DMXL2: variants seen among roughly 807,000 people sequenced by gnomAD.
DMXL2 encodes dmX-like protein 2.
In DMXL2, 103 loss-of-function variants were observed where a neutral mutation model predicts 331.1. The ratio of observed to expected loss-of-function variants is 0.31; its 90% CI spans 0.27 to 0.37. The LOEUF (loss-of-function observed/expected upper bound fraction) is 0.37. Ranked by LOEUF, DMXL2 falls within the 10% of genes least tolerant of loss-of-function variation. The pLI is 1.00. For synonymous variants in DMXL2, 1,281 were observed against 1,252.1 expected (o/e 1.02, Z -0.49); for missense variants, 3,171 against 3,642.9 (o/e 0.87, Z 3.33).
chr15:51,573,877 A>G (rs2050839753), intron 2 of DMXL2, among the ~76,000 whole-genome samples: 2 of 152,018 alleles, frequency 1.3e-5, no homozygotes, highest in African/African-American at 4.8e-5. Flanking sequence ...AAAAAATCAT[A>G]TTTTTCATAA....
At chr15:51,478,233 T>C in intron 26 of DMXL2, 38 bp downstream of exon 26, 1 of 1,523,914 alleles carries the variant, frequency 6.6e-7, no homozygotes. Context: ...TTTAATGTTT[T>C]TGCTGTATTA....
chr15:51,597,315 T>A (rs1047900535), intron 1 of DMXL2, among the ~76,000 whole-genome samples: 4 of 152,196 alleles, frequency 2.6e-5, no homozygotes, highest in Non-Finnish European at 5.9e-5. Flanking sequence ...CCACTACCCT[T>A]TTTGGGAAAT....
Position 51,480,124 on chromosome 15 carries a change from G to C in DMXL2, c.6580C>G (p.Gln2194Glu). ...GGCAGTGGTAGTGGAGACTGGAGCT[G>C]CTTTACTGTAGTTTCCTGTGGGTGA... Reference protein sequence around the residue: ...QESQQETTVKQLQSPLPLPTT... With the variant: ...QESQQETTVKELQSPLPLPTT... The change falls in exon 25 of 44, where the codon CAG (glutamine) becomes GAG (glutamate). Residue 2194 changes from glutamine (Q) to glutamate (E), a missense_variant. Around this residue, in one of 7 missense-constraint regions of DMXL2, gnomAD observed 197 missense variants for 196.2 expected, o/e 1.00. Coordinates refer to ENST00000560891, the MANE Select transcript of DMXL2 (RefSeq NM_001378457.1). 6.4e-7 allele frequency: 1 copy of C among 1,550,828 alleles called. No homozygotes were observed. Among genetic ancestry groups the C allele is most frequent in the South Asian group, 1.2e-5 (1 of 83,088 alleles).
chr15:51,470,624 C>A (rs575910321), intron 29 of DMXL2, among the ~76,000 whole-genome samples: 1 of 152,236 alleles, frequency 6.6e-6, no homozygotes, highest in South Asian at 2.1e-4. Context: ...AAGGTAACAA[C>A]AGAGTTAACA....
In DMXL2 at chr15:51,476,604, G is replaced by C. The variant is rs1449818395; in HGVS notation, c.6949C>G (p.Pro2317Ala). The change falls in exon 27 of 44, where the codon CCT becomes GCT. Residue 2317 changes from proline to alanine, a missense_variant. Coordinates refer to ENST00000560891, the MANE Select transcript of DMXL2 (RefSeq NM_001378457.1). ...AAATTCTCACCAGGCCATTGAGCAG[G>C]AGATGAATTTGGTGTTGCGTGTTCT... ...IEEHATPNSS[P>A]AQWPGVSSLI... 1.2e-6 allele frequency: 2 copies of C among 1,607,694 alleles called. No homozygotes were observed. The highest frequency in any genetic ancestry group is 2.2e-5 in the South Asian group (2 of 89,256).
At chr15:51,618,243 T>C (rs1190399593) in intron 1 of DMXL2, among the ~76,000 whole-genome samples, 1 of 152,122 alleles carries the variant, frequency 6.6e-6, no homozygotes, top group Non-Finnish European at 1.5e-5. Flanking sequence ...TCTTTTACTC[T>C]CGTATTAGAC....
intron 1 of DMXL2, among the ~76,000 whole-genome samples, chr15:51,610,638 G>A (rs1252475116): frequency 2.0e-5 from 3 of 151,920 alleles, no homozygotes; most frequent in African/African-American, 7.3e-5. Context: ...CATGGTGGCC[G>A]GTGCCTGTAG....
intron 29 of DMXL2, among the ~76,000 whole-genome samples, chr15:51,470,109 G>C (rs564391220): frequency 1.3e-5 from 2 of 152,242 alleles, no homozygotes; most frequent in African/African-American, 4.8e-5. Flanking sequence ...CCGGTTCTGA[G>C]ACCACACTTT....
chr15:51,454,655 C>A (rs1475431998), intron 40 of DMXL2, among the ~76,000 whole-genome samples: 1 of 152,030 alleles, frequency 6.6e-6, no homozygotes, highest in Non-Finnish European at 1.5e-5. Flanking sequence ...TGTCACCATG[C>A]CTGGCTAATT....
At chr15:51,585,968 GA>G (rs1252583712) in intron 1 of DMXL2, among the ~76,000 whole-genome samples, 2 of 152,108 alleles carry the variant, frequency 1.3e-5, no homozygotes, top group Non-Finnish European at 2.9e-5. Context: ...CTACCATTGA[GA>G]TGTAAGTCCA....
rs181907514 is a variant in DMXL2, at chr15:51,551,358, A to G, written c.568-3950T>C. On this transcript the variant is annotated intron_variant, in intron 6 of 43. Coordinates refer to ENST00000560891, the MANE Select transcript of DMXL2 (RefSeq NM_001378457.1). The stretch of plus-strand genomic sequence containing the variant: ...GGGAGACGTGACTAACACAATGAAA[A>G]TAATACTCAATAATCTAGAAAATAA... Among the ~76,000 whole-genome samples, 9 of 152,286 alleles carry G rather than the reference A, an allele frequency of 5.9e-5. No homozygotes were observed. In the East Asian group the frequency reaches 1.2e-3, roughly 20 times the overall value.
chr15:51,612,135 A>G (rs2054014563), intron 1 of DMXL2, among the ~76,000 whole-genome samples: 1 of 152,238 alleles, frequency 6.6e-6, no homozygotes, highest in African/African-American at 2.4e-5. Flanking sequence ...CCAATTCCAG[A>G]CACAAAATGA....
At chr15:51,502,226 C>A (rs1384667905) in intron 17 of DMXL2, among the ~76,000 whole-genome samples, 3 of 128,508 alleles carry the variant, frequency 2.3e-5, no homozygotes, top group African/African-American at 8.5e-5. Flanking sequence ...GAGTGAGACT[C>A]CGTCTAAAAA....
chr15:51,517,066 G>C lies in DMXL2; in HGVS notation c.2526+12C>G, dbSNP rs1596087538. ...GTATACGAATATCACCAATTCACAA[G>C]CATGTTTTTACTTGGTTGGTTATTG... On this transcript the variant is annotated intron_variant, in intron 14 of 43. Coordinates refer to ENST00000560891, the MANE Select transcript of DMXL2 (RefSeq NM_001378457.1). The C allele has an allele frequency of 6.2e-7, 1 of 1,606,032 alleles. No homozygotes were observed. The highest frequency in any genetic ancestry group is 8.5e-7 in the Non-Finnish European group (1 of 1,172,696).
intron 33 of DMXL2, 44 bp from the exon 34 acceptor site, chr15:51,459,704 A>G (rs1429534855): frequency 2.5e-5 from 32 of 1,287,910 alleles, no homozygotes; most frequent in Non-Finnish European, 2.8e-5. Context: ...ACATGCATGG[A>G]ATGAAATTAT....
intron 27 of DMXL2, among the ~76,000 whole-genome samples, chr15:51,475,688 C>T (rs1005173445): frequency 1.3e-5 from 2 of 151,922 alleles, no homozygotes; most frequent in African/African-American, 2.4e-5. Context: ...TACATATGGG[C>T]CCCCAAAAGC....
chr15:51,556,836 G>A (rs1244114692), intron 6 of DMXL2, among the ~76,000 whole-genome samples: 1 of 151,832 alleles, frequency 6.6e-6, no homozygotes, highest in Non-Finnish European at 1.5e-5. Flanking sequence ...ATTCTATATC[G>A]TTTGTGGTTT....
chr15:51,497,198 T>G (rs545467686), intron 18 of DMXL2, among the ~76,000 whole-genome samples: 1 of 152,188 alleles, frequency 6.6e-6, no homozygotes, highest in Non-Finnish European at 1.5e-5. Context: ...AAATAAGTCA[T>G]AGGCAAAACC....
At chr15:51,617,976 C>T (rs1366355638) in intron 1 of DMXL2, among the ~76,000 whole-genome samples, 1 of 152,110 alleles carries the variant, frequency 6.6e-6, no homozygotes, top group Non-Finnish European at 1.5e-5. Context: ...TAAATGTATC[C>T]GTTTAAACAA....
Sources: gnomAD v4.1 joint callset for allele counts (sites outside exome capture counted in the v4.1 genomes callset) on GRCh38, gnomAD v4.1.1 for gene constraint, gnomAD v4.1.1 regional missense constraint, MANE v1.5 for transcripts, NCBI Gene and HGNC (gene_info 2026-07-23, HGNC 2026-07-21) for gene names.